The following BICDL1 variants were observed in gnomAD, a reference collection of about 807,000 sequenced individuals.
BICDL1 encodes BICD family-like cargo adapter 1.
Under a neutral mutation model 76.8 loss-of-function variants are expected in BICDL1, and 20 were observed. The ratio of observed to expected loss-of-function variants is 0.26; its 90% confidence interval spans 0.18 to 0.38. The LOEUF (loss-of-function observed/expected upper bound fraction) is 0.38, where lower values mean the gene tolerates loss of function less well. Ranked by LOEUF, BICDL1 falls within the 10% of genes least tolerant of loss-of-function variation. The pLI is 1.00. For synonymous variants in BICDL1, 383 were observed against 337.1 expected, an observed-to-expected ratio of 1.14 and a Z score of -1.49; for missense variants, 700 against 798.6, an observed-to-expected ratio of 0.88 and a Z score of 1.49.
At chr12:120,041,141 G>C (rs1952634291) in intron 2 of BICDL1, among the ~76,000 whole-genome samples, 1 of 152,178 alleles carries the variant, frequency 6.6e-6, no homozygotes, top group Admixed American at 6.5e-5. Flanking sequence ...TTTGTATAAA[G>C]TGGATATAAC....
chr12:120,057,810 G>A (rs1034531313), intron 2 of BICDL1, among the ~76,000 whole-genome samples: 6 of 139,090 alleles, frequency 4.3e-5, no homozygotes, highest in East Asian at 2.1e-4. Context: ...GGAGGCCAGC[G>A]ATTCCTGCTT....
At chr12:119,998,895 A>C (rs7958402) in intron 2 of BICDL1, among the ~76,000 whole-genome samples, 159 bp downstream of exon 2, 20,171 of 151,872 alleles carry the variant, frequency 0.13, 1,660 homozygotes, top group East Asian at 0.41. Flanking sequence ...TCTCTACAAA[A>C]GTTTTTTAAA....
At chr12:120,015,993 T>C (rs1348902067) in intron 2 of BICDL1, among the ~76,000 whole-genome samples, 1 of 152,176 alleles carries the variant, frequency 6.6e-6, no homozygotes, top group African/African-American at 2.4e-5. Context: ...ATCACCATAA[T>C]CCAATTTTAG....
intron 2 of BICDL1, among the ~76,000 whole-genome samples, chr12:120,043,972 T>G (rs180911413): frequency 6.4e-4 from 97 of 152,346 alleles, no homozygotes; most frequent in Non-Finnish European, 1.2e-3. Flanking sequence ...CTGCAAATAA[T>G]GTAGTCATTT....
chr12:120,060,678 T>C (rs1953085166), intron 2 of BICDL1, among the ~76,000 whole-genome samples: 1 of 152,232 alleles, frequency 6.6e-6, no homozygotes, highest in African/African-American at 2.4e-5. Flanking sequence ...TGTGGCTCTG[T>C]AGTCCAGTGA....
At chr12:120,031,017 A>C (rs1307771052) in intron 2 of BICDL1, among the ~76,000 whole-genome samples, 3 of 152,290 alleles carry the variant, frequency 2.0e-5, no homozygotes, top group East Asian at 3.9e-4. Context: ...GTTTTCATAA[A>C]TTCAACCAAC....
intron 2 of BICDL1, among the ~76,000 whole-genome samples, chr12:120,035,492 A>G (rs1194870534): frequency 1.3e-5 from 2 of 152,218 alleles, no homozygotes; most frequent in Non-Finnish European, 2.9e-5. Flanking sequence ...CAGAGATGCT[A>G]AATTTATCAC....
Position 120,004,362 on chromosome 12 carries a change from G to A in BICDL1, c.645+5626G>A, listed in dbSNP as rs563352803. Among the ~76,000 whole-genome samples the A allele has an allele frequency of 3.9e-5, 6 of 152,276 alleles. No individual in the cohort carries two copies. The South Asian group carries it at 1.2e-3, about 32-fold the overall frequency. ...TGGGTATTACTCCCTAATACCCAAA[G>A]AGAGAAGCTGTTTTGGGAGCATTGT... On this transcript the variant is annotated intron_variant, in intron 2 of 9. Transcript: ENST00000548673.
chr12:120,014,424 T>C (rs1394876121), intron 2 of BICDL1, among the ~76,000 whole-genome samples: 1 of 152,176 alleles, frequency 6.6e-6, no homozygotes, highest in Non-Finnish European at 1.5e-5. Flanking sequence ...ACCGGTGCAG[T>C]GGCTCACGTC....
At chr12:120,054,018 TA>T (rs149649197) in intron 2 of BICDL1, among the ~76,000 whole-genome samples, 3 of 149,236 alleles carry the variant, frequency 2.0e-5, no homozygotes, top group Non-Finnish European at 3.0e-5. Flanking sequence ...ACTAAAAATA[TA>T]AAAAAAATAA....
At chr12:120,070,939 A>G (rs1873047487) in intron 4 of BICDL1, among the ~76,000 whole-genome samples, 1 of 151,976 alleles carries the variant, frequency 6.6e-6, no homozygotes, top group African/African-American at 2.4e-5. Context: ...CATGTTGGCC[A>G]GGCTGGTCTC....
At chr12:120,001,155 A>G (rs956233479) in intron 2 of BICDL1, among the ~76,000 whole-genome samples, 4 of 152,036 alleles carry the variant, frequency 2.6e-5, no homozygotes, top group Admixed American at 2.6e-4. Flanking sequence ...CGTTTTATTA[A>G]CTGAGTATCC....
At chr12:119,992,169 AAAAAATTTTAAAGTTTT>A in intron 1 of BICDL1, among the ~76,000 whole-genome samples, 1 of 152,210 alleles carries the variant, frequency 6.6e-6, no homozygotes. Flanking sequence ...TGAAAATTAT[AAAAAATTTTAAAGTTTT>A]AAAAATGTTC....
rs747215722 is a variant in BICDL1, at chr12:120,093,137, C to G, written c.1842C>G (p.Leu614=). ...CCAGCATCGCTGAAGGCAAACGACT[C>G]TTCTCATTCTTCAGGAAAATTTAAG... The part of the protein sequence containing the change: ...DEPSIAEGKR[L]FSFFRKI The change falls in exon 10 of 10, where the codon CTC becomes CTG. Residue 614 remains leucine, a synonymous_variant. Transcript: ENST00000548673. The G allele has an allele frequency of 1.9e-6, 3 of 1,609,582 alleles. No individual in the cohort carries two copies. Among genetic ancestry groups the G allele is most frequent in the Non-Finnish European group, 2.5e-6 (3 of 1,177,752 alleles).
chr12:120,025,677 T>C (rs1296591606), intron 2 of BICDL1, among the ~76,000 whole-genome samples: 2 of 152,202 alleles, frequency 1.3e-5, no homozygotes, highest in African/African-American at 4.8e-5. Flanking sequence ...ATATCAATTA[T>C]ACATCAGTAA....
At chr12:120,033,237 G>A (rs1208007903) in intron 2 of BICDL1, among the ~76,000 whole-genome samples, 2 of 151,930 alleles carry the variant, frequency 1.3e-5, no homozygotes, top group African/African-American at 4.8e-5. Context: ...ACCCAAACCA[G>A]AACTGTTCTA....
intron 2 of BICDL1, among the ~76,000 whole-genome samples, chr12:120,020,246 C>T (rs932024362): frequency 2.0e-5 from 3 of 152,114 alleles, no homozygotes; most frequent in Admixed American, 6.5e-5. Context: ...ATAATTATAC[C>T]GCAGTTTAAA....
At chr12:120,052,325 CTCTT>C (rs1353586463) in intron 2 of BICDL1, among the ~76,000 whole-genome samples, 6 of 145,718 alleles carry the variant, frequency 4.1e-5, no homozygotes, top group Admixed American at 2.1e-4. Flanking sequence ...CTCTCTCTCT[CTCTT>C]TCTCTGTTTC....
Position 120,032,607 on chromosome 12 carries a change from A to C in BICDL1, c.646-29103A>C, listed in dbSNP as rs143499700. ...TTTATTACAAAAGCATTACATGTGC[A>C]CTGAAGAAAAATTAAAAATAGAGGC... On this transcript the variant is annotated intron_variant, in intron 2 of 9. Coordinates refer to ENST00000548673, the MANE Select transcript of BICDL1 (RefSeq NM_001367886.1). 3.6e-3 allele frequency among the ~76,000 whole-genome samples: 550 copies of C among 152,346 alleles called. 3 individuals carry two copies. Among genetic ancestry groups the C allele is most frequent in the African/African-American group, 0.013 (533 of 41,578 alleles).
Sources: allele counts gnomAD v4.1 joint callset (sites outside exome capture counted in the v4.1 genomes callset), GRCh38; gene constraint gnomAD v4.1.1; transcripts MANE v1.5; gene names NCBI Gene and HGNC (gene_info 2026-07-23, HGNC 2026-07-21).